The following CSNK2A1 variants were observed in gnomAD, a reference collection of about 807,000 sequenced individuals.
The protein encoded by CSNK2A1 is casein kinase II subunit alpha.
CSNK2A1 carries 10 observed loss-of-function variants against 62.9 expected under a neutral mutation model. The observed-to-expected ratio is 0.16, with a 90% CI of 0.10 to 0.27. The LOEUF (loss-of-function observed/expected upper bound fraction) is 0.27, where lower values mean the gene tolerates loss of function less well. CSNK2A1 is among the 10% of genes least tolerant of loss of function. The pLI is 1.00. For synonymous variants in CSNK2A1, 124 were observed against 167.8 expected, an observed-to-expected ratio of 0.74 and a Z score of 2.02; for missense variants, 160 against 492.0, an observed-to-expected ratio of 0.33 and a Z score of 6.38.
chr20:490,815 A>C (rs1159526928), intron 9 of CSNK2A1, among the ~76,000 whole-genome samples: 1 of 147,476 alleles, frequency 6.8e-6, no homozygotes, highest in Non-Finnish European at 1.5e-5. Flanking sequence ...AGGCCTCCTG[A>C]GTAGGTAGGA....
intron 7 of CSNK2A1, 22 bp from the exon 8 acceptor site, chr20:495,824 A>C (rs2018336093): frequency 1.9e-6 from 3 of 1,605,904 alleles, no homozygotes; most frequent in Non-Finnish European, 2.6e-6. Context: ...ACGGGTCAGA[A>C]AGGAGTTAGC....
At chr20:526,328 A>G (rs1450751672) in intron 2 of CSNK2A1, among the ~76,000 whole-genome samples, 1 of 152,106 alleles carries the variant, frequency 6.6e-6, no homozygotes, top group Non-Finnish European at 1.5e-5. Context: ...TTTAAAAATT[A>G]GGCCAGGCAT....
chr20:489,179 T>C, intron 10 of CSNK2A1: 1 of 186,110 alleles, frequency 5.4e-6, no homozygotes, highest in South Asian at 1.3e-4. Flanking sequence ...ATGAACTATC[T>C]GAGGGGAAGA....
At chr20:485,111 T>TAATAATAATAATAATA (rs1568496684) in intron 13 of CSNK2A1, among the ~76,000 whole-genome samples, 3 of 27,772 alleles carry the variant, frequency 1.1e-4, no homozygotes, top group African/African-American at 4.5e-4. Flanking sequence ...AAAAAAAAAA[T>TAATAATAATAATAATA]ATATATATAT....
chr20:500,541 A>G (rs2018438232), intron 4 of CSNK2A1: 1 of 152,562 alleles, frequency 6.6e-6, no homozygotes, highest in Non-Finnish European at 1.5e-5. Flanking sequence ...ATCTCATAAG[A>G]TTGTTGCAAG....
At chr20:541,106 A>G (rs2019440493) in intron 1 of CSNK2A1, 1 of 152,178 alleles carries the variant, frequency 6.6e-6, no homozygotes, top group Admixed American at 6.5e-5. Flanking sequence ...CTCTCTAGCA[A>G]AGGCAAATGG....
chr20:495,676 T>G (rs762341042), intron 8 of CSNK2A1, 43 bp downstream of exon 8: 14 of 1,551,002 alleles, frequency 9.0e-6, no homozygotes, highest in Non-Finnish European at 1.2e-5. Flanking sequence ...GGCAATTAGC[T>G]ACATCATGTA....
chr20:528,451 G>C lies in CSNK2A1; in HGVS notation c.-226-402C>G, dbSNP rs2019142830. ...GATTCTTGGGATTTATCATTTTTGT[G>C]TGTGTAACAGGGTCTTGCTCTGTCA... On this transcript the variant is annotated intron_variant, in intron 1 of 13. Coordinates refer to ENST00000217244, the MANE Select transcript of CSNK2A1 (RefSeq NM_177559.3). 1.3e-5 allele frequency among the ~76,000 whole-genome samples: 2 copies of C among 152,152 alleles called. 1 individual carries two copies. Among genetic ancestry groups the C allele is most frequent in the South Asian group, 4.1e-4 (2 of 4,832 alleles).
In CSNK2A1 at chr20:543,682, A is replaced by AGCG; in HGVS notation, c.-240_-238dup. The AGCG allele has an allele frequency of 2.5e-6, 1 of 398,222 alleles. No individual in the cohort carries two copies. The highest frequency in any genetic ancestry group is 3.6e-5 in the East Asian group (1 of 28,062). 24.7% of individuals were successfully genotyped at this position (398,222 alleles called of 1,614,324 possible). On this transcript the variant is annotated 5_prime_UTR_variant, in exon 1 of 14. Coordinates refer to ENST00000217244, the MANE Select transcript of CSNK2A1 (RefSeq NM_177559.3). ...CTGCTCCCTAGGTACCTGTGGTGGA[A>AGCG]GCGGCAGCGGCGGCGGCCGCTCTCC...
chr20:497,050 GCTAT>G (rs1218463158), intron 7 of CSNK2A1, among the ~76,000 whole-genome samples: 1 of 152,162 alleles, frequency 6.6e-6, no homozygotes, highest in African/African-American at 2.4e-5. Flanking sequence ...GTCAGTCCCA[GCTAT>G]CTTACAAATA....
chr20:523,920 TA>T (rs2019008271), intron 2 of CSNK2A1, among the ~76,000 whole-genome samples: 1 of 148,784 alleles, frequency 6.7e-6, no homozygotes, highest in Non-Finnish European at 1.5e-5. Flanking sequence ...TGCTAGAGAT[TA>T]GGGGTGGGAG....
At chr20:523,975 T>C (rs906193231) in intron 2 of CSNK2A1, among the ~76,000 whole-genome samples, 1 of 149,150 alleles carries the variant, frequency 6.7e-6, no homozygotes, top group African/African-American at 2.4e-5. Context: ...GTGATATAAC[T>C]ATTCTATGTC....
In CSNK2A1 at chr20:479,184, C is replaced by G. The variant is rs931009252; in HGVS notation, c.*4777G>C. On this transcript the variant is annotated 3_prime_UTR_variant, in exon 14 of 14. Transcript: ENST00000217244. ...GAGTCAGAAATTTTCCAAATGCAAACATCTATGGCCTCCCTATAATGTAGC... is the reference window on the plus strand; with the variant it reads ...GAGTCAGAAATTTTCCAAATGCAAAGATCTATGGCCTCCCTATAATGTAGC... 1 of 152,388 alleles carries G rather than the reference C, an allele frequency of 6.6e-6. No homozygotes were observed. The highest frequency in any genetic ancestry group is 2.4e-5 in the African/African-American group (1 of 41,432). The allele number at this position is 152,388 out of a possible 1,614,324, so 9.4% of individuals were successfully genotyped here.
rs914974776 is a variant in CSNK2A1, at chr20:474,813, G to A, written c.*9148C>T. Reference sequence around the variant, plus strand: ...TATTCAGTGTTTCCATTATGACTACGTAAATTCTAATCACAGCTGAACCAG... The same window carrying A: ...TATTCAGTGTTTCCATTATGACTACATAAATTCTAATCACAGCTGAACCAG... On this transcript the variant is annotated 3_prime_UTR_variant, in exon 14 of 14. Transcript: ENST00000217244. 4.6e-5 allele frequency: 7 copies of A among 152,074 alleles called. No homozygotes were observed. The highest frequency in any genetic ancestry group is 1.4e-4 in the African/African-American group (6 of 41,394). 9.4% of individuals were successfully genotyped at this position (152,074 alleles called of 1,614,324 possible).
intron 4 of CSNK2A1, chr20:503,602 TTACACTCCTCGTGATGGATTG>T: frequency 2.5e-6 from 1 of 398,598 alleles, no homozygotes. Flanking sequence ...TTAGATTGTG[TTACACTCCTCGTGATGGATTG>T]TGTTATACTC....
At chr20:508,246 G>A (rs1236988794) in intron 3 of CSNK2A1, 4 of 517,612 alleles carry the variant, frequency 7.7e-6, no homozygotes, top group African/African-American at 5.9e-5. Flanking sequence ...TAAATGGTAA[G>A]CCCATTAAAA....
At chr20:505,556 TC>T (rs2018561468) in intron 3 of CSNK2A1, among the ~76,000 whole-genome samples, 11 of 151,362 alleles carry the variant, frequency 7.3e-5, no homozygotes, top group Admixed American at 6.6e-4. Flanking sequence ...AGACGGCGGG[TC>T]CTCACCGTGT....
intron 1 of CSNK2A1, among the ~76,000 whole-genome samples, chr20:535,042 A>C (rs2019287456): frequency 1.4e-5 from 2 of 143,698 alleles, no homozygotes; most frequent in Non-Finnish European, 3.0e-5. Context: ...CCCAAAAAAA[A>C]AAAAAAAAAA....
chr20:474,782 G>C lies in CSNK2A1; in HGVS notation c.*9179C>G, dbSNP rs529241206. ...TGTCATCATACTGTAATCCTGGTTA[G>C]ACCAGTATTCAGTGTTTCCATTATG... On this transcript the variant is annotated 3_prime_UTR_variant, in exon 14 of 14. Transcript: ENST00000217244. The C allele has an allele frequency of 6.6e-6, 1 of 152,222 alleles. No individual in the cohort carries two copies. The highest frequency in any genetic ancestry group is 2.4e-5 in the African/African-American group (1 of 41,536). 9.4% of individuals were successfully genotyped at this position (152,222 alleles called of 1,614,324 possible).
Sources: gnomAD v4.1 joint callset for allele counts (sites outside exome capture counted in the v4.1 genomes callset) on GRCh38, gnomAD v4.1.1 for gene constraint, MANE v1.5 for transcripts, NCBI Gene and HGNC (gene_info 2026-07-23, HGNC 2026-07-21) for gene names.